The following GRIA1 variants were observed in gnomAD, a reference collection of about 807,000 sequenced individuals.
GRIA1 encodes the protein glutamate ionotropic receptor AMPA type subunit 1, also known as glutamate receptor 1.
A neutral mutation model predicts 99.2 loss-of-function variants in GRIA1; 31 were observed. The ratio of observed to expected loss-of-function variants is 0.31; its 90% CI spans 0.23 to 0.42. The LOEUF (loss-of-function observed/expected upper bound fraction) is 0.42, where lower values mean the gene tolerates loss of function less well. Ranked by LOEUF, GRIA1 falls within the 10% of genes least tolerant of loss-of-function variation. The pLI, the probability that GRIA1 is intolerant of heterozygous loss-of-function variation, is 1.00. For synonymous variants in GRIA1, 438 were observed against 432.4 expected, an observed-to-expected ratio of 1.01 and a Z score of -0.16; for missense variants, 782 against 1,157.5, an observed-to-expected ratio of 0.68 and a Z score of 4.71.
At chr5:153,536,466 C>T (rs1758585100) in intron 2 of GRIA1, among the ~76,000 whole-genome samples, 1 of 152,112 alleles carries the variant, frequency 6.6e-6, no homozygotes, top group East Asian at 1.9e-4. Context: ...GGGAAAGGGC[C>T]TTATTGTGCT....
chr5:153,610,637 C>T (rs1765898196), intron 2 of GRIA1, among the ~76,000 whole-genome samples: 1 of 152,290 alleles, frequency 6.6e-6, no homozygotes, highest in South Asian at 2.1e-4. Flanking sequence ...AGATTTCAAT[C>T]CTTATTCTAC....
intron 2 of GRIA1, among the ~76,000 whole-genome samples, chr5:153,526,319 T>C (rs1757591205): frequency 6.6e-6 from 1 of 152,182 alleles, no homozygotes; most frequent in African/African-American, 2.4e-5. Flanking sequence ...GAAGTATATT[T>C]ATAACTGCAG....
At chr5:153,645,097 A>G (rs1381024151) in intron 2 of GRIA1, among the ~76,000 whole-genome samples, 1 of 152,136 alleles carries the variant, frequency 6.6e-6, no homozygotes, top group East Asian at 1.9e-4. Context: ...TTCTGGGTAG[A>G]GAAGTGATTT....
intron 11 of GRIA1, among the ~76,000 whole-genome samples, chr5:153,758,176 A>G (rs1157824902): frequency 6.6e-6 from 1 of 152,082 alleles, no homozygotes; most frequent in Non-Finnish European, 1.5e-5. Context: ...ACTAGAAAAC[A>G]TGTAACAAAA....
At chr5:153,581,339 C>T (rs1019466537) in intron 2 of GRIA1, among the ~76,000 whole-genome samples, 1 of 152,156 alleles carries the variant, frequency 6.6e-6, no homozygotes. Flanking sequence ...AATCCAAATG[C>T]CTAACACAAG....
At chr5:153,506,931 G>A (rs891924443) in intron 2 of GRIA1, among the ~76,000 whole-genome samples, 29 of 151,834 alleles carry the variant, frequency 1.9e-4, no homozygotes, top group African/African-American at 6.3e-4. Context: ...GAGATCAGTC[G>A]GGCCAACATG....
intron 13 of GRIA1, among the ~76,000 whole-genome samples, chr5:153,788,003 C>T (rs1765075833): frequency 6.6e-6 from 1 of 152,064 alleles, no homozygotes; most frequent in South Asian, 2.1e-4. Flanking sequence ...TGGCATGAAC[C>T]CAGGAGGCGT....
chr5:153,515,427 C>T (rs1289209966), intron 2 of GRIA1, among the ~76,000 whole-genome samples: 1 of 152,138 alleles, frequency 6.6e-6, no homozygotes, highest in Non-Finnish European at 1.5e-5. Context: ...CTAAAAGCAT[C>T]AAACTCGTAG....
intron 2 of GRIA1, among the ~76,000 whole-genome samples, chr5:153,524,861 G>A (rs1757462667): frequency 6.6e-6 from 1 of 152,150 alleles, no homozygotes; most frequent in South Asian, 2.1e-4. Flanking sequence ...GGTCTCTGTA[G>A]GAAATATTGC....
chr5:153,748,479 G>A (rs949593351), intron 11 of GRIA1, among the ~76,000 whole-genome samples: 1 of 152,196 alleles, frequency 6.6e-6, no homozygotes, highest in Non-Finnish European at 1.5e-5. Context: ...TGCCTTGGTA[G>A]AATATTTGGA....
intron 13 of GRIA1, among the ~76,000 whole-genome samples, chr5:153,775,287 C>T (rs1764148976): frequency 6.6e-6 from 1 of 152,226 alleles, no homozygotes; most frequent in Non-Finnish European, 1.5e-5. Flanking sequence ...TAAAATGTCA[C>T]CTGATGATTC....
At chr5:153,493,213 G>T (rs904818047) in intron 1 of GRIA1, among the ~76,000 whole-genome samples, 1 of 152,196 alleles carries the variant, frequency 6.6e-6, no homozygotes, top group African/African-American at 2.4e-5. Flanking sequence ...GAAGCACAAG[G>T]TTCCACCATG....
At chr5:153,798,712 G>C (rs998345511) in intron 14 of GRIA1, among the ~76,000 whole-genome samples, 2 of 152,146 alleles carry the variant, frequency 1.3e-5, no homozygotes, top group African/African-American at 4.8e-5. Flanking sequence ...CATAAAGAAA[G>C]TTTCAAGTCT....
At chr5:153,712,676 T>G (rs1759399537) in intron 11 of GRIA1, among the ~76,000 whole-genome samples, 1 of 148,690 alleles carries the variant, frequency 6.7e-6, no homozygotes, top group Non-Finnish European at 1.5e-5. Context: ...TGTCAAACAT[T>G]TCTCATTTTG....
intron 2 of GRIA1, among the ~76,000 whole-genome samples, chr5:153,639,785 T>C (rs566411352): frequency 1.4e-4 from 22 of 152,316 alleles, no homozygotes; most frequent in African/African-American, 5.3e-4. Flanking sequence ...AGGAAACTTG[T>C]TGGATGGGTG....
intron 11 of GRIA1, among the ~76,000 whole-genome samples, chr5:153,732,645 G>A (rs1761118423): frequency 1.6e-5 from 2 of 125,736 alleles, no homozygotes; most frequent in Non-Finnish European, 3.3e-5. Flanking sequence ...TGGGTATATG[G>A]TTTGCAAATG....
At chr5:153,787,010 G>A (rs1765006656) in intron 13 of GRIA1, among the ~76,000 whole-genome samples, 1 of 152,196 alleles carries the variant, frequency 6.6e-6, no homozygotes, top group South Asian at 2.1e-4. Flanking sequence ...AGGTTTCGAA[G>A]GCAAAAGTGG....
At chr5:153,731,766 A>G (rs1311104805) in intron 11 of GRIA1, among the ~76,000 whole-genome samples, 1 of 152,142 alleles carries the variant, frequency 6.6e-6, no homozygotes, top group African/African-American at 2.4e-5. Flanking sequence ...ATAACATTTA[A>G]TATCTATTAT....
At chr5:153,708,052 T>C (rs1035927394) in intron 11 of GRIA1, among the ~76,000 whole-genome samples, 1 of 152,176 alleles carries the variant, frequency 6.6e-6, no homozygotes, top group African/African-American at 2.4e-5. Flanking sequence ...TCTCCTTTAT[T>C]TCCTTCATCA....
Sources: allele counts gnomAD v4.1 joint callset (sites outside exome capture counted in the v4.1 genomes callset), GRCh38; gene constraint gnomAD v4.1.1; transcripts MANE v1.5; gene names NCBI Gene and HGNC (gene_info 2026-07-23, HGNC 2026-07-21).